The following PGR variants were observed in gnomAD, a reference collection of about 807,000 sequenced individuals.
The protein encoded by PGR is nuclear receptor subfamily 3 group C member 3.
Under a neutral mutation model 76.1 loss-of-function variants are expected in PGR, and 25 were observed. The observed-to-expected ratio is 0.33, with a 90% CI of 0.24 to 0.46. The LOEUF (loss-of-function observed/expected upper bound fraction) is 0.46, where lower values mean the gene tolerates loss of function less well. PGR is among the 20% of genes least tolerant of loss of function. The pLI is 1.00. For synonymous variants in PGR, 579 were observed against 535.0 expected (o/e 1.08, Z -1.14); for missense variants, 1,172 against 1,225.3 (o/e 0.96, Z 0.65).
chr11:101,083,069 T>A (rs1861362834), intron 3 of PGR, among the ~76,000 whole-genome samples: 1 of 152,226 alleles, frequency 6.6e-6, no homozygotes, highest in Non-Finnish European at 1.5e-5. Context: ...AGGGCCTAGC[T>A]ACTCTGTGCA....
chr11:101,088,517 A>G (rs983060602), intron 3 of PGR, among the ~76,000 whole-genome samples: 1 of 151,996 alleles, frequency 6.6e-6, no homozygotes, highest in Non-Finnish European at 1.5e-5. Flanking sequence ...TGTTTTTAGT[A>G]GAGACGGGGT....
intron 6 of PGR, among the ~76,000 whole-genome samples, chr11:101,049,566 TTCAGCTCCACTA>T (rs1212481392): frequency 6.6e-5 from 10 of 152,200 alleles, no homozygotes; most frequent in Non-Finnish European, 1.5e-4. Context: ...ATGATAATTT[TTCAGCTCCACTA>T]TCATCTTAGG....
intron 2 of PGR, among the ~76,000 whole-genome samples, chr11:101,125,099 A>G (rs773335606): frequency 3.9e-5 from 6 of 152,092 alleles, no homozygotes; most frequent in Non-Finnish European, 8.8e-5. Flanking sequence ...GTGTGATCTC[A>G]GCACTCCAGA....
At chr11:101,069,509 G>C in intron 3 of PGR, among the ~76,000 whole-genome samples, 1 of 151,584 alleles carries the variant, frequency 6.6e-6, no homozygotes, top group East Asian at 2.0e-4. Context: ...CCCATTACTG[G>C]GTATATACCC....
chr11:101,072,448 T>A (rs984523397), intron 3 of PGR, among the ~76,000 whole-genome samples: 1 of 152,184 alleles, frequency 6.6e-6, no homozygotes, highest in African/African-American at 2.4e-5. Context: ...GCTAGCATCA[T>A]AATGACAGGA....
intron 3 of PGR, among the ~76,000 whole-genome samples, chr11:101,066,876 A>G (rs1860736677): frequency 6.6e-6 from 1 of 152,174 alleles, no homozygotes; most frequent in Non-Finnish European, 1.5e-5. Flanking sequence ...CCACAATCAC[A>G]GTTGGACTAT....
chr11:101,029,862 AG>A lies in PGR; in HGVS notation c.*9253del, dbSNP rs1859296130. 1 of 221,898 alleles carries A rather than the reference AG, an allele frequency of 4.5e-6. No homozygotes were observed. The highest frequency in any genetic ancestry group is 2.2e-5 in the African/African-American group (1 of 44,780). The allele number at this position is 221,898 out of a possible 1,614,324, so 13.7% of individuals were successfully genotyped here. Reference sequence around the variant, plus strand: ...GATTTTGCATATTAGCTTGAAAATAAGTATATGATGATGATATTAGGTGCCC... The same window carrying A: ...GATTTTGCATATTAGCTTGAAAATAATATATGATGATGATATTAGGTGCCC... On this transcript the variant is annotated 3_prime_UTR_variant, in exon 8 of 8. Transcript: ENST00000325455.
intron 2 of PGR, among the ~76,000 whole-genome samples, chr11:101,102,869 G>T (rs1390934228): frequency 7.3e-6 from 1 of 137,866 alleles, no homozygotes; most frequent in Non-Finnish European, 1.6e-5. Flanking sequence ...GGGGTGGGGG[G>T]GGTTGGGGGA....
intron 3 of PGR, among the ~76,000 whole-genome samples, chr11:101,078,814 T>C (rs1861212487): frequency 6.6e-6 from 1 of 152,254 alleles, no homozygotes; most frequent in African/African-American, 2.4e-5. Flanking sequence ...AAGATTTTAT[T>C]AAATCTTTTA....
chr11:101,115,536 C>G (rs2135492717), intron 2 of PGR, among the ~76,000 whole-genome samples: 1 of 152,186 alleles, frequency 6.6e-6, no homozygotes, highest in Non-Finnish European at 1.5e-5. Context: ...CTTTGGGATG[C>G]CAAGGTGGGA....
At chr11:101,058,708 G>A (rs756947833) in intron 4 of PGR, among the ~76,000 whole-genome samples, 1 of 152,146 alleles carries the variant, frequency 6.6e-6, no homozygotes, top group Non-Finnish European at 1.5e-5. Context: ...TTGATGTACA[G>A]GATGAGGACA....
Position 101,036,836 on chromosome 11 carries a change from G to A in PGR, c.*2280C>T, listed in dbSNP as rs900823403. ...TTATGGAAATTAAATATATGCTGGT[G>A]GAAATGATTTATATCATCAAAATAT... On this transcript the variant is annotated 3_prime_UTR_variant, in exon 8 of 8. Transcript: ENST00000325455. 2.1e-5 allele frequency: 4 copies of A among 190,784 alleles called. No homozygotes were observed. The highest frequency in any genetic ancestry group is 7.0e-5 in the African/African-American group (3 of 42,944). 11.8% of individuals were successfully genotyped at this position (190,784 alleles called of 1,614,324 possible).
rs1859461484 is a variant in PGR, at chr11:101,034,982, A to G, written c.*4134T>C. ...ACCTAGGTGATGTTCTTTTCATTAA[A>G]ATGATTTCATGACTTAGTGAAGTAA... is the stretch of plus-strand genomic sequence containing the variant. On this transcript the variant is annotated 3_prime_UTR_variant, in exon 8 of 8. Transcript: ENST00000325455. 1 of 194,542 alleles carries G rather than the reference A, an allele frequency of 5.1e-6. No individual in the cohort carries two copies. 12.1% of individuals were successfully genotyped at this position (194,542 alleles called of 1,614,324 possible). A position where few individuals can be genotyped will look rare whatever the true frequency, so the allele number is the denominator to read the frequency against.
intron 2 of PGR, among the ~76,000 whole-genome samples, chr11:101,108,023 G>A (rs1352974276): frequency 6.6e-6 from 1 of 151,424 alleles, no homozygotes; most frequent in Non-Finnish European, 1.5e-5. Flanking sequence ...GGAGGCTGAG[G>A]CAGGCAGATC....
intron 1 of PGR, among the ~76,000 whole-genome samples, 190 bp downstream of exon 1, chr11:101,127,244 C>T (rs1862868796): frequency 6.6e-6 from 1 of 152,156 alleles, no homozygotes; most frequent in Non-Finnish European, 1.5e-5. Flanking sequence ...TTCGTGTCCC[C>T]AAGAGTGAGG....
intron 2 of PGR, among the ~76,000 whole-genome samples, chr11:101,113,923 G>A (rs1210480603): frequency 2.6e-5 from 4 of 151,988 alleles, no homozygotes; most frequent in Admixed American, 6.6e-5. Flanking sequence ...AGTACATAGA[G>A]AGGTTCAGTT....
chr11:101,101,622 A>G (rs560605914), intron 2 of PGR, among the ~76,000 whole-genome samples: 2 of 152,324 alleles, frequency 1.3e-5, no homozygotes, highest in East Asian at 3.9e-4. Context: ...GTGAGGCCAC[A>G]TTTCCTTCCC....
intron 2 of PGR, among the ~76,000 whole-genome samples, chr11:101,105,359 C>G (rs1030268580): frequency 1.3e-5 from 2 of 152,116 alleles, no homozygotes; most frequent in African/African-American, 4.8e-5. Flanking sequence ...CAGGAGACCA[C>G]TGCAATACAT....
chr11:101,071,294 A>T (rs890837178), intron 3 of PGR, among the ~76,000 whole-genome samples: 1 of 152,220 alleles, frequency 6.6e-6, no homozygotes, highest in African/African-American at 2.4e-5. Context: ...AACAAAAAGG[A>T]TGTCCACACA....
Sources: gnomAD v4.1 joint callset for allele counts (sites outside exome capture counted in the v4.1 genomes callset) on GRCh38, gnomAD v4.1.1 for gene constraint, MANE v1.5 for transcripts, NCBI Gene and HGNC (gene_info 2026-07-23, HGNC 2026-07-21) for gene names.